Variants in TMEM62 observed in about 807,000 individuals in gnomAD.
TMEM62 encodes the protein transmembrane protein 62.
TMEM62 carries 41 observed loss-of-function variants against 70.4 expected under a neutral mutation model. That is an observed-to-expected ratio of 0.58 (90% CI 0.45 to 0.76). The LOEUF (loss-of-function observed/expected upper bound fraction) is 0.76. Among genes scored for constraint, TMEM62 ranks in the 30% least tolerant of loss-of-function variants. TMEM62 has a pLI of 0.00. For missense variants in TMEM62, 688 were observed against 788.5 expected (o/e 0.87, Z 1.53); for synonymous variants, 268 against 291.0 (o/e 0.92, Z 0.80).
intron 10 of TMEM62, among the ~76,000 whole-genome samples, chr15:43,166,971 A>T (rs2039504789): frequency 6.6e-6 from 1 of 152,204 alleles, no homozygotes. Flanking sequence ...CCGATTTCTC[A>T]ATCTTTTCCC....
Position 43,184,570 on chromosome 15 carries a change from G to T in TMEM62, c.1916G>T (p.Ser639Ile). ...GGAATCTTCATGGTGCAGTTAAAAA[G>T]CCACCTGAGCTCCTGAAGGCCATGT... The part of the protein sequence containing the change: ...KFGIFMVQLK[S>I]HLSS Residue 639 changes from serine to isoleucine, a missense_variant, in exon 14 of 14, where the codon AGC becomes ATC. Ser to Ile is a moderately radical substitution (Grantham distance 142). Coordinates refer to ENST00000260403, the MANE Select transcript of TMEM62 (RefSeq NM_024956.4). The T allele has an allele frequency of 6.2e-7, 1 of 1,610,054 alleles. No homozygotes were observed. Among genetic ancestry groups the T allele is most frequent in the Admixed American group, 1.7e-5 (1 of 60,010 alleles).
chr15:43,155,411 G>A (rs897900499), intron 9 of TMEM62, among the ~76,000 whole-genome samples: 3 of 151,776 alleles, frequency 2.0e-5, no homozygotes, highest in African/African-American at 7.3e-5. Context: ...TGGAAGGATC[G>A]CTTGAGCCCA....
At chr15:43,169,989 T>C (rs1482948044) in intron 11 of TMEM62, 1 of 227,840 alleles carries the variant, frequency 4.4e-6, no homozygotes, top group Non-Finnish European at 8.6e-6. Context: ...AGAGATTCTT[T>C]AATTTGCAAT....
chr15:43,169,679 T>C lies in TMEM62; in HGVS notation c.1381+2T>C. On this transcript the variant is annotated splice_donor_variant, in intron 11 of 13. Transcript: ENST00000260403. LOFTEE classifies it high-confidence loss of function. ...ATCGAGGATACCCAGAGCTTAAAGGTTAGTTATGGTTCCTTTTATTCCTAT... is the reference window on the plus strand; with the variant it reads ...ATCGAGGATACCCAGAGCTTAAAGGCTAGTTATGGTTCCTTTTATTCCTAT... 1 of 1,611,158 alleles carries C rather than the reference T, an allele frequency of 6.2e-7. No homozygotes were observed. The highest frequency in any genetic ancestry group is 8.5e-7 in the Non-Finnish European group (1 of 1,177,674).
Position 43,153,658 on chromosome 15 carries a change from TTGTG to T in TMEM62, c.1023-988_1023-985del, listed in dbSNP as rs71431882. On this transcript the variant is annotated intron_variant, in intron 8 of 13. Transcript: ENST00000260403. ...AGGCTGAATAATGTTCCATTGTACA[TTGTG>T]TGTGTGTGTGTGTGTGTGTGTGTGT... Among the ~76,000 whole-genome samples the T allele has an allele frequency of 4.0e-3, 602 of 149,780 alleles. 1 individual carries two copies. The highest frequency in any genetic ancestry group is 7.3e-3 in the South Asian group (35 of 4,770).
intron 7 of TMEM62, among the ~76,000 whole-genome samples, chr15:43,150,456 G>A (rs956334426): frequency 8.5e-5 from 13 of 152,056 alleles, no homozygotes; most frequent in South Asian, 2.1e-4. Flanking sequence ...TATTTGGAGC[G>A]TACTCCAGAT....
At chr15:43,146,437 A>G in intron 4 of TMEM62, 56 bp from the exon 5 acceptor site, 1 of 1,528,112 alleles carries the variant, frequency 6.5e-7, no homozygotes, top group Non-Finnish European at 8.8e-7. Context: ...TAGGGAAGGA[A>G]TTTTAAAGCA....
intron 11 of TMEM62, among the ~76,000 whole-genome samples, chr15:43,171,331 G>C (rs1457067675): frequency 6.9e-6 from 1 of 145,744 alleles, no homozygotes; most frequent in Non-Finnish European, 1.5e-5. Context: ...GCGAGACTCT[G>C]TCCTTAAAAA....
At chr15:43,166,410 A>G (rs952790043) in intron 10 of TMEM62, among the ~76,000 whole-genome samples, 2 of 152,124 alleles carry the variant, frequency 1.3e-5, no homozygotes, top group Admixed American at 6.5e-5. Flanking sequence ...CCCATATTAG[A>G]TTGCATCTTT....
intron 8 of TMEM62, among the ~76,000 whole-genome samples, chr15:43,154,388 T>G (rs2037788494): frequency 1.3e-5 from 2 of 152,356 alleles, no homozygotes; most frequent in South Asian, 2.1e-4. Context: ...CAGAAAGAAC[T>G]TTGAATCTAC....
In TMEM62 at chr15:43,184,394, A is replaced by G. The variant is rs1347946486; in HGVS notation, c.1740A>G (p.Leu580=). The G allele has an allele frequency of 4.3e-6, 7 of 1,614,220 alleles. No individual in the cohort carries two copies. Among genetic ancestry groups the G allele is most frequent in the Non-Finnish European group, 5.9e-6 (7 of 1,180,036 alleles). The part of the protein sequence containing the change: ...LKIMPVHLLM[L]LLYIWQVYSC... ...TTATGCCTGTTCACCTACTTATGCT[A>G]CTGCTGTACATCTGGCAGGTTTATT... Residue 580 remains leucine (L), a synonymous_variant, in exon 14 of 14, where the codon CTA becomes CTG. Coordinates refer to ENST00000260403, the MANE Select transcript of TMEM62 (RefSeq NM_024956.4).
chr15:43,133,957 A>G lies in TMEM62; in HGVS notation c.155A>G (p.Asp52Gly), dbSNP rs2034783340. The change falls in exon 1 of 14, where the codon GAC becomes GGC. Residue 52 changes from aspartate to glycine, a missense_variant. Physicochemically the swap from Asp to Gly is moderately conservative, Grantham distance 94. Transcript: ENST00000260403. ...CCGCACCCTGCGCCAGGGCCCGGAG[A>G]CAGCAACATCTTCTGGGGCCTGCAG... ...RRPHPAPGPG[D>G]SNIFWGLQIS... 2 of 1,460,074 alleles carry G rather than the reference A, an allele frequency of 1.4e-6. No homozygotes were observed. The highest frequency in any genetic ancestry group is 2.7e-5 in the Admixed American group (1 of 37,276). The allele number at this position is 1,460,074 out of a possible 1,614,324, so 90.4% of individuals were successfully genotyped here.
At chr15:43,134,447 T>C (rs748999856) in intron 2 of TMEM62, 79 bp downstream of exon 2, 3 of 1,134,752 alleles carry the variant, frequency 2.6e-6, no homozygotes, top group East Asian at 2.4e-5. Context: ...GCTTTTCATT[T>C]TGGGGACGTT....
At chr15:43,183,755 AC>A (rs1465252245) in intron 13 of TMEM62, among the ~76,000 whole-genome samples, 1 of 152,046 alleles carries the variant, frequency 6.6e-6, no homozygotes, top group African/African-American at 2.4e-5. Context: ...CATGCCTGCT[AC>A]ATAATGGGTG....
Position 43,184,679 on chromosome 15 carries a change from T to A in TMEM62, c.*93T>A. 1 of 1,188,968 alleles carries A rather than the reference T, an allele frequency of 8.4e-7. No individual in the cohort carries two copies. The highest frequency in any genetic ancestry group is 1.2e-6 in the Non-Finnish European group (1 of 848,842). The allele number at this position is 1,188,968 out of a possible 1,614,324, so 73.7% of individuals were successfully genotyped here. ...CCCAGTAGCAGGTGGAGGGCCAGGA[T>A]TGGTGGGTGAGCTTTAGGGAGCAGC... On this transcript the variant is annotated 3_prime_UTR_variant, in exon 14 of 14. Transcript: ENST00000260403.
At chr15:43,149,232 G>C in intron 7 of TMEM62, 81 bp downstream of exon 7, 1 of 1,399,342 alleles carries the variant, frequency 7.1e-7, no homozygotes, top group Non-Finnish European at 9.8e-7. Context: ...TGATATCATG[G>C]GTGATCACAG....
At chr15:43,182,987 A>G (rs553798668) in intron 13 of TMEM62, among the ~76,000 whole-genome samples, 1 of 152,146 alleles carries the variant, frequency 6.6e-6, no homozygotes, top group Admixed American at 6.5e-5. Flanking sequence ...TCTATATCCA[A>G]TGGCCACAGA....
intron 11 of TMEM62, among the ~76,000 whole-genome samples, chr15:43,173,361 A>G (rs1352397575): frequency 1.3e-5 from 2 of 152,160 alleles, no homozygotes; most frequent in Admixed American, 1.3e-4. Context: ...TTATTAGCCA[A>G]TTATCCTTCT....
intron 12 of TMEM62, among the ~76,000 whole-genome samples, chr15:43,179,500 A>C (rs1033260520): frequency 6.6e-6 from 1 of 152,196 alleles, no homozygotes; most frequent in Non-Finnish European, 1.5e-5. Flanking sequence ...GAGGTATATA[A>C]TAGACTATAT....
Sources: allele counts gnomAD v4.1 joint callset (sites outside exome capture counted in the v4.1 genomes callset), GRCh38; gene constraint gnomAD v4.1.1; transcripts MANE v1.5; gene names NCBI Gene and HGNC (gene_info 2026-07-23, HGNC 2026-07-21).